The following RAVER2 variants were observed in gnomAD, a reference collection of about 807,000 sequenced individuals.
RAVER2 encodes ribonucleoprotein, PTB binding 2, also known as ribonucleoprotein PTB-binding 2.
A neutral mutation model predicts 78.1 loss-of-function variants in RAVER2; 46 were observed. That is an observed-to-expected ratio of 0.59 (90% CI 0.46 to 0.75). The LOEUF (loss-of-function observed/expected upper bound fraction) is 0.75. Ranked by LOEUF, RAVER2 falls within the 30% of genes least tolerant of loss-of-function variation. The pLI, the probability that RAVER2 is intolerant of heterozygous loss-of-function variation, is 0.00. For synonymous variants in RAVER2, 311 were observed against 313.3 expected, an observed-to-expected ratio of 0.99 and a Z score of 0.08; for missense variants, 793 against 837.5, an observed-to-expected ratio of 0.95 and a Z score of 0.66.
chr1:64,783,892 C>A (rs1652706352), intron 4 of RAVER2, among the ~76,000 whole-genome samples: 1 of 152,222 alleles, frequency 6.6e-6, no homozygotes. Context: ...AACCATGCAA[C>A]CGGTTGCCTG....
exon 12 of RAVER2, chr1:64,831,502 A>C (rs2100909874): frequency 6.6e-6 from 1 of 152,478 alleles, no homozygotes; most frequent in African/African-American, 2.4e-5. Context: ...ATGCACACTC[A>C]ATTACGCCCA....
At chr1:64,788,849 G>A (rs3002681) in intron 4 of RAVER2, among the ~76,000 whole-genome samples, 73,235 of 151,150 alleles carry the variant, frequency 0.48, 20,408 homozygotes, top group African/African-American at 0.78. Flanking sequence ...GTTAAACTTC[G>A]TTTTATTTTA....
intron 11 of RAVER2, among the ~76,000 whole-genome samples, chr1:64,827,328 T>C (rs542023958): frequency 2.6e-5 from 4 of 151,902 alleles, no homozygotes; most frequent in African/African-American, 7.2e-5. Context: ...GGAGTGGAGA[T>C]CAGTGGGCAG....
intron 1 of RAVER2, among the ~76,000 whole-genome samples, chr1:64,754,628 C>T (rs1482877288): frequency 6.6e-6 from 1 of 152,108 alleles, no homozygotes; most frequent in Admixed American, 6.5e-5. Flanking sequence ...GCTGTAAACC[C>T]TCCAAGAAAG....
At chr1:64,798,301 A>G (rs1653157426) in intron 5 of RAVER2, among the ~76,000 whole-genome samples, 1 of 136,316 alleles carries the variant, frequency 7.3e-6, no homozygotes, top group Non-Finnish European at 1.6e-5. Context: ...TATGTGCCAC[A>G]TTTTCTTAAT....
chr1:64,746,516 A>G (rs1431656280), intron 1 of RAVER2, among the ~76,000 whole-genome samples: 1 of 152,212 alleles, frequency 6.6e-6, no homozygotes, highest in African/African-American at 2.4e-5. Flanking sequence ...TGACAATTGC[A>G]TGGCAGTTCT....
intron 6 of RAVER2, among the ~76,000 whole-genome samples, chr1:64,803,551 A>C (rs1361301292): frequency 2.0e-5 from 3 of 152,156 alleles, no homozygotes; most frequent in African/African-American, 7.2e-5. Context: ...ATTAGAGATA[A>C]GCATTACTCA....
intron 1 of RAVER2, among the ~76,000 whole-genome samples, chr1:64,767,888 A>G (rs1479956411): frequency 6.6e-6 from 1 of 151,964 alleles, no homozygotes; most frequent in Non-Finnish European, 1.5e-5. Flanking sequence ...TCTTTTGGGC[A>G]CCCAAGTGGA....
At chr1:64,816,903 T>C (rs1016728553) in intron 11 of RAVER2, among the ~76,000 whole-genome samples, 2 of 152,058 alleles carry the variant, frequency 1.3e-5, no homozygotes, top group Non-Finnish European at 2.9e-5. Context: ...AATTGACAAA[T>C]GGGATCTAAT....
At chr1:64,818,543 C>G (rs1368753521) in intron 11 of RAVER2, among the ~76,000 whole-genome samples, 1 of 152,018 alleles carries the variant, frequency 6.6e-6, no homozygotes, top group Non-Finnish European at 1.5e-5. Flanking sequence ...CTCAAAAGAA[C>G]AACAAAACAA....
intron 4 of RAVER2, among the ~76,000 whole-genome samples, chr1:64,786,014 T>G (rs1652770604): frequency 6.6e-6 from 1 of 152,200 alleles, no homozygotes; most frequent in Non-Finnish European, 1.5e-5. Flanking sequence ...TATTTTTATT[T>G]CTTTGTGATA....
At position 64,833,087 on chromosome 1, in the gene RAVER2, A is replaced by AGTG. The variant is rs1266504077; in HGVS notation, c.*2106_*2108dup. The AGTG allele has an allele frequency of 1.1e-4, 19 of 168,050 alleles. No homozygotes were observed. The South Asian group carries it at 1.3e-3, about 12-fold the overall frequency. 10.4% of individuals were successfully genotyped at this position (168,050 alleles called of 1,614,324 possible). ...CACAACAGTGAAGAAGTGCAAATCA[A>AGTG]GTGGTGTTTGTTTGTTTGTTAGTAG... On this transcript the variant is annotated 3_prime_UTR_variant, in exon 12 of 12. Coordinates refer to ENST00000294428, the Ensembl canonical transcript of RAVER2.
exon 12 of RAVER2, chr1:64,831,033 G>C (rs1165070033): frequency 6.5e-7 from 1 of 1,543,722 alleles, no homozygotes. Flanking sequence ...CAGTATCTCT[G>C]CTGTTCATCG....
intron 1 of RAVER2, among the ~76,000 whole-genome samples, 184 bp from the exon 2 acceptor site, chr1:64,768,472 A>G (rs919995850): frequency 7.2e-5 from 11 of 151,972 alleles, no homozygotes; most frequent in African/African-American, 2.4e-4. Context: ...GGCTTTGTGT[A>G]GGATGTCTGG....
chr1:64,749,424 T>C (rs1191200425), intron 1 of RAVER2, among the ~76,000 whole-genome samples: 1 of 152,182 alleles, frequency 6.6e-6, no homozygotes, highest in Non-Finnish European at 1.5e-5. Flanking sequence ...TTGGCCAGGC[T>C]GCTCTCGAAT....
intron 11 of RAVER2, among the ~76,000 whole-genome samples, chr1:64,824,918 G>A (rs535319448): frequency 7.6e-5 from 8 of 105,728 alleles, no homozygotes; most frequent in South Asian, 2.7e-4. Context: ...GCAACAGAGC[G>A]AGACCCTGTC....
At chr1:64,777,343 CAT>C (rs1359114838) in intron 2 of RAVER2, among the ~76,000 whole-genome samples, 1 of 152,098 alleles carries the variant, frequency 6.6e-6, no homozygotes, top group African/African-American at 2.4e-5. Flanking sequence ...CCCAGAATAT[CAT>C]AGGATTTTAC....
At chr1:64,776,047 G>C (rs564506807) in intron 2 of RAVER2, among the ~76,000 whole-genome samples, 1 of 147,900 alleles carries the variant, frequency 6.8e-6, no homozygotes, top group East Asian at 2.0e-4. Flanking sequence ...AGGAAAGAAA[G>C]TTAAGAAAGG....
At chr1:64,812,691 T>C (rs1400414542) in intron 9 of RAVER2, 47 bp from the exon 10 acceptor site, 2 of 1,245,756 alleles carry the variant, frequency 1.6e-6, no homozygotes, top group Non-Finnish European at 2.3e-6. Context: ...ATTTTTATTT[T>C]CGTGTACCTC....
Sources: gnomAD v4.1 joint callset for allele counts (sites outside exome capture counted in the v4.1 genomes callset) on GRCh38, gnomAD v4.1.1 for gene constraint, MANE v1.5 for transcripts, NCBI Gene and HGNC (gene_info 2026-07-23, HGNC 2026-07-21) for gene names.